DCX: variants seen among roughly 807,000 people sequenced by gnomAD.
The protein encoded by DCX is doublecortin, also known as neuronal migration protein doublecortin.
A neutral mutation model predicts 20.9 loss-of-function variants in DCX; 4 were observed. The ratio of observed to expected loss-of-function variants is 0.19; its 90% CI spans 0.09 to 0.44. DCX has a LOEUF of 0.44. Among genes scored for constraint, DCX ranks in the 20% least tolerant of loss-of-function variants. The pLI, the probability that DCX is intolerant of heterozygous loss-of-function variation, is 0.99. For missense variants in DCX, 133 were observed against 296.9 expected (o/e 0.45, Z 4.06); for synonymous variants, 103 against 111.4 (o/e 0.92, Z 0.47).
intron 2 of DCX, among the ~76,000 whole-genome samples, chrX:111,401,987 G>A (rs1217864733): frequency 8.9e-6 from 1 of 112,125 alleles, no homozygotes; most frequent in African/African-American, 3.2e-5. Context: ...TACTCCTTAT[G>A]CTACACTAGG....
At position 111,363,433 on chromosome X, in the gene DCX, G is replaced by T. The variant is rs185730520; in HGVS notation, c.706-30280C>A. Among the ~76,000 whole-genome samples, 7 of 109,359 alleles carry T rather than the reference G, an allele frequency of 6.4e-5. No individual in the cohort carries two copies. The East Asian group carries it at 1.8e-3, about 28-fold the overall frequency. The allele number at this position is 109,359 out of a possible 115,157, so 95.0% of individuals were successfully genotyped here. A position where few individuals can be genotyped will look rare whatever the true frequency, so the allele number is the denominator to read the frequency against. Reference sequence around the variant, plus strand: ...GGCCCCAAGAAAACAGTTCAAGAGGGTGTATGGGATGGGAGCAACCAACAG... The same window carrying T: ...GGCCCCAAGAAAACAGTTCAAGAGGTTGTATGGGATGGGAGCAACCAACAG... On this transcript the variant is annotated intron_variant, in intron 3 of 6. Coordinates refer to ENST00000636035, the MANE Select transcript of DCX (RefSeq NM_001195553.2).
At chrX:111,310,010 G>A (rs1476130615) in intron 6 of DCX, among the ~76,000 whole-genome samples, 1 of 112,446 alleles carries the variant, frequency 8.9e-6, no homozygotes, top group African/African-American at 3.2e-5. Flanking sequence ...GGGGCATAAT[G>A]TTTGCCTGTG....
chrX:111,410,787 C>T (rs766956162), intron 1 of DCX: 1 of 1,210,765 alleles, frequency 8.3e-7, no homozygotes, highest in Non-Finnish European at 1.1e-6. Flanking sequence ...GAACTTCGGG[C>T]TAAATACATT....
At chrX:111,352,877 A>G (rs1013129865) in intron 3 of DCX, among the ~76,000 whole-genome samples, 15 of 92,529 alleles carry the variant, frequency 1.6e-4, no homozygotes, top group African/African-American at 6.5e-4. Flanking sequence ...GAGAGAGAGG[A>G]GGCAATGCCT....
intron 5 of DCX, among the ~76,000 whole-genome samples, chrX:111,316,098 A>AT (rs1569486400): frequency 8.5e-5 from 9 of 105,369 alleles, no homozygotes; most frequent in African/African-American, 3.2e-4. Context: ...AAAAAAAAAA[A>AT]AAAAAAAAAA....
In DCX at chrX:111,346,570, A is replaced by C. The variant is rs1350552577; in HGVS notation, c.706-13417T>G. On this transcript the variant is annotated intron_variant, in intron 3 of 6. Coordinates refer to ENST00000636035, the MANE Select transcript of DCX (RefSeq NM_001195553.2). ...TAGTGGGAGGAAGGAATAAGAAGTC[A>C]TTGCTTAATGGTAACAGTTGGTTGT... Among the ~76,000 whole-genome samples, 4 of 112,178 alleles carry C rather than the reference A, an allele frequency of 3.6e-5. No homozygotes were observed. The Admixed American group carries it at 3.8e-4, about 11-fold the overall frequency.
intron 3 of DCX, among the ~76,000 whole-genome samples, chrX:111,353,549 C>T (rs1184965138): frequency 9.0e-6 from 1 of 111,584 alleles, no homozygotes; most frequent in African/African-American, 3.3e-5. Flanking sequence ...CTGTCTTTTT[C>T]TCTGTCCCTG....
intron 3 of DCX, among the ~76,000 whole-genome samples, chrX:111,370,605 G>A (rs1032564538): frequency 6.3e-5 from 7 of 111,040 alleles, no homozygotes; most frequent in South Asian, 3.8e-4. Context: ...TCACAATAGC[G>A]TCAGAAATAA....
At chrX:111,313,372 G>A (rs2095061879) in intron 5 of DCX, among the ~76,000 whole-genome samples, 1 of 110,489 alleles carries the variant, frequency 9.1e-6, no homozygotes, top group Admixed American at 9.7e-5. Context: ...AACAGAAGGT[G>A]AAACATTAAA....
intron 2 of DCX, among the ~76,000 whole-genome samples, chrX:111,407,122 G>T (rs1928267438): frequency 9.0e-6 from 1 of 111,645 alleles, no homozygotes; most frequent in African/African-American, 3.3e-5. Flanking sequence ...AGAGTAATAT[G>T]CACTTTATAT....
chrX:111,337,324 G>T (rs901470601), intron 3 of DCX, among the ~76,000 whole-genome samples: 2 of 110,555 alleles, frequency 1.8e-5, no homozygotes, highest in Non-Finnish European at 3.8e-5. Context: ...TCAACTTCCA[G>T]CACAAAATCA....
intron 3 of DCX, among the ~76,000 whole-genome samples, chrX:111,375,186 CAT>C (rs1441537828): frequency 9.3e-6 from 1 of 107,532 alleles, no homozygotes; most frequent in Non-Finnish European, 1.9e-5. Flanking sequence ...AAAATCTACA[CAT>C]GATAAAATTT....
intron 4 of DCX, 49 bp from the exon 5 acceptor site, chrX:111,331,090 G>A (rs1426163902): frequency 3.3e-6 from 4 of 1,194,894 alleles, no homozygotes; most frequent in Admixed American, 2.2e-5. Context: ...AACAGGCTCA[G>A]CATGTTATCA....
At chrX:111,406,354 A>C (rs1928208807) in intron 2 of DCX, among the ~76,000 whole-genome samples, 1 of 112,165 alleles carries the variant, frequency 8.9e-6, no homozygotes, top group South Asian at 3.7e-4. Context: ...TCCCTTACTA[A>C]CATAATCATT....
chrX:111,360,692 C>T (rs1158654703), intron 3 of DCX, among the ~76,000 whole-genome samples: 1 of 111,206 alleles, frequency 9.0e-6, no homozygotes, highest in Non-Finnish European at 1.9e-5. Context: ...TGTATCAAAA[C>T]ATCTCATGTA....
intron 3 of DCX, among the ~76,000 whole-genome samples, chrX:111,349,647 C>A (rs761231515): frequency 1.8e-5 from 2 of 111,652 alleles, no homozygotes; most frequent in Non-Finnish European, 1.9e-5. Context: ...TAGGAGCTGA[C>A]CTCAACATGG....
In DCX at chrX:111,352,837, CAGAGAGAGAGAG is replaced by C. The variant is rs768081351; in HGVS notation, c.706-19696_706-19685del. Among the ~76,000 whole-genome samples, 65 of 90,150 alleles carry C rather than the reference CAGAGAGAGAGAG, an allele frequency of 7.2e-4. No individual in the cohort carries two copies. The East Asian group carries it at 0.014, about 20-fold the overall frequency. 78.3% of individuals were successfully genotyped at this position (90,150 alleles called of 115,157 possible). On this transcript the variant is annotated intron_variant, in intron 3 of 6. Transcript: ENST00000636035. ...GTGAAAGCTGAGGCAGACAGACAGA[CAGAGAGAGAGAG>C]AGAGAGAGAGAGAGAGAGAGAGAGA...
At chrX:111,304,623 G>A (rs187652376) in intron 6 of DCX, among the ~76,000 whole-genome samples, 44 of 111,437 alleles carry the variant, frequency 3.9e-4, no homozygotes, top group African/African-American at 1.4e-3. Context: ...CATTTGCTAG[G>A]TTCTTCTTTT....
chrX:111,397,271 G>A (rs1223237633), intron 3 of DCX, among the ~76,000 whole-genome samples: 2 of 111,363 alleles, frequency 1.8e-5, no homozygotes, highest in African/African-American at 6.5e-5. Flanking sequence ...CGATGGCCTT[G>A]ATTTCATGAA....
Sources: allele counts gnomAD v4.1 joint callset (sites outside exome capture counted in the v4.1 genomes callset), GRCh38; gene constraint gnomAD v4.1.1; transcripts MANE v1.5; gene names NCBI Gene and HGNC (gene_info 2026-07-23, HGNC 2026-07-21).